ATG10: variants seen among roughly 807,000 people sequenced by gnomAD.
The protein encoded by ATG10 is ubiquitin-like-conjugating enzyme ATG10.
A neutral mutation model predicts 32.1 loss-of-function variants in ATG10; 30 were observed. The observed-to-expected ratio is 0.94, with a 90% CI of 0.70 to 1.27. The LOEUF is 1.27. Among genes scored for constraint, ATG10 ranks in the 50% most tolerant of loss-of-function variants. The probability of loss-of-function intolerance (pLI) is 0.00; values close to 1 mark genes in which losing one functional copy is unlikely to be tolerated. For synonymous variants in ATG10, 87 were observed against 91.5 expected (o/e 0.95, Z 0.28); for missense variants, 233 against 262.3 (o/e 0.89, Z 0.77).
chr5:82,229,877 G>A (rs1008961481), intron 5 of ATG10, among the ~76,000 whole-genome samples: 1 of 152,178 alleles, frequency 6.6e-6, no homozygotes, highest in African/African-American at 2.4e-5. Context: ...AATACCAAAG[G>A]ATGGCTGTAC....
chr5:82,164,531 T>A lies in ATG10; in HGVS notation c.349T>A (p.Phe117Ile), dbSNP rs575912075. 6.2e-7 allele frequency: 1 copy of A among 1,610,350 alleles called. No homozygotes were observed. The highest frequency in any genetic ancestry group is 1.3e-5 in the African/African-American group (1 of 74,930). Reference protein sequence around the residue: ...QVPVLYFRASFLDGRPLTLKD... With the variant: ...QVPVLYFRASILDGRPLTLKD... ...GCCTGTACTTTACTTTAGGGCAAGC[T>A]TTTTAGGTAAGAACATGTCTGAAGC... Residue 117 changes from phenylalanine to isoleucine, a missense_variant, in exon 4 of 8, where the codon TTT (phenylalanine) becomes ATT (isoleucine). Physicochemically the swap from Phe to Ile is conservative, Grantham distance 21 (BLOSUM62 0). Coordinates refer to ENST00000282185, the MANE Select transcript of ATG10 (RefSeq NM_031482.5).
chr5:82,103,945 A>G (rs1181516678), intron 3 of ATG10, among the ~76,000 whole-genome samples: 2 of 152,164 alleles, frequency 1.3e-5, no homozygotes, highest in African/African-American at 4.8e-5. Context: ...TTAACCTTAG[A>G]TAAATATATC....
intron 3 of ATG10, among the ~76,000 whole-genome samples, chr5:82,065,268 C>G (rs966421531): frequency 6.6e-6 from 1 of 152,096 alleles, no homozygotes; most frequent in African/African-American, 2.4e-5. Context: ...GGGCGGATCA[C>G]TTGAGGCTGT....
At position 82,192,997 on chromosome 5, in the gene ATG10, T is replaced by C. The variant is rs895038936; in HGVS notation, c.453+14410T>C. ...CTCAGGAGAGACCTTCAGCTTTAGA[T>C]GATTAGTTGGATATGCTGTTTACTA... On this transcript the variant is annotated intron_variant, in intron 5 of 7. Coordinates refer to ENST00000282185, the MANE Select transcript of ATG10 (RefSeq NM_031482.5). Among the ~76,000 whole-genome samples, 8 of 152,224 alleles carry C rather than the reference T, an allele frequency of 5.3e-5. No individual in the cohort carries two copies. In the South Asian group the frequency reaches 8.3e-4, roughly 16 times the overall value.
At chr5:82,015,186 T>C (rs1279885217) in intron 2 of ATG10, among the ~76,000 whole-genome samples, 1 of 152,206 alleles carries the variant, frequency 6.6e-6, no homozygotes, top group Non-Finnish European at 1.5e-5. Context: ...GAGTTTCTGC[T>C]GAGAGATCCA....
intron 5 of ATG10, among the ~76,000 whole-genome samples, chr5:82,223,340 A>G (rs746078813): frequency 2.6e-5 from 4 of 152,232 alleles, no homozygotes; most frequent in Non-Finnish European, 4.4e-5. Context: ...CTGCATGCCA[A>G]TGTCTGCACA....
At chr5:82,206,855 T>C (rs1745320032) in intron 5 of ATG10, among the ~76,000 whole-genome samples, 1 of 152,200 alleles carries the variant, frequency 6.6e-6, no homozygotes. Context: ...TAGTTTTGCC[T>C]GTTTTTTGAA....
At chr5:81,995,126 A>ATGTG (rs148857001) in intron 2 of ATG10, among the ~76,000 whole-genome samples, 15 of 149,750 alleles carry the variant, frequency 1.0e-4, no homozygotes, top group South Asian at 2.1e-4. Context: ...ATGTGTGTGT[A>ATGTG]TGTGTGTGTG....
chr5:81,991,327 T>A (rs944710214), intron 2 of ATG10, among the ~76,000 whole-genome samples: 4 of 152,200 alleles, frequency 2.6e-5, no homozygotes, highest in East Asian at 1.9e-4. Context: ...TATTTTTTTT[T>A]AAATTGTTGT....
chr5:82,136,918 C>T (rs1208416980), intron 3 of ATG10, among the ~76,000 whole-genome samples: 1 of 151,988 alleles, frequency 6.6e-6, no homozygotes, highest in African/African-American at 2.4e-5. Flanking sequence ...CCTTTTCATT[C>T]TTTTTCTCTA....
At chr5:82,227,057 G>A (rs1051114989) in intron 5 of ATG10, among the ~76,000 whole-genome samples, 2 of 152,212 alleles carry the variant, frequency 1.3e-5, no homozygotes, top group Non-Finnish European at 1.5e-5. Flanking sequence ...TACCCTTGGC[G>A]GTTGATGAAG....
At chr5:82,012,177 C>G (rs972531174) in intron 2 of ATG10, among the ~76,000 whole-genome samples, 2 of 152,156 alleles carry the variant, frequency 1.3e-5, no homozygotes, top group Non-Finnish European at 2.9e-5. Context: ...GCCACAGACT[C>G]CCACTGTTCT....
intron 3 of ATG10, among the ~76,000 whole-genome samples, chr5:82,099,422 A>G (rs1165229030): frequency 1.3e-5 from 2 of 151,928 alleles, no homozygotes; most frequent in Non-Finnish European, 2.9e-5. Context: ...ACATTAATAT[A>G]TGTATATTTA....
intron 5 of ATG10, among the ~76,000 whole-genome samples, chr5:82,246,401 A>G (rs908928472): frequency 6.6e-5 from 10 of 151,910 alleles, no homozygotes; most frequent in African/African-American, 2.4e-4. Context: ...AAAGATAGCA[A>G]CTTTGGGCCA....
intron 5 of ATG10, among the ~76,000 whole-genome samples, chr5:82,250,836 A>C (rs1212449308): frequency 6.6e-6 from 1 of 152,234 alleles, no homozygotes; most frequent in African/African-American, 2.4e-5. Flanking sequence ...ATGATTGATT[A>C]ATATATGTTG....
chr5:82,063,339 A>T (rs956696073), intron 3 of ATG10, among the ~76,000 whole-genome samples: 28 of 152,112 alleles, frequency 1.8e-4, no homozygotes, highest in Non-Finnish European at 3.7e-4. Flanking sequence ...AAAACAAAAA[A>T]ACCAAAAACA....
At chr5:82,180,089 C>G (rs968804858) in intron 5 of ATG10, among the ~76,000 whole-genome samples, 1 of 152,096 alleles carries the variant, frequency 6.6e-6, no homozygotes, top group Non-Finnish European at 1.5e-5. Context: ...GCTGTGCTTA[C>G]TTACCTGTGC....
At chr5:82,243,086 A>G (rs1465598750) in intron 5 of ATG10, among the ~76,000 whole-genome samples, 1 of 152,146 alleles carries the variant, frequency 6.6e-6, no homozygotes, top group Non-Finnish European at 1.5e-5. Context: ...ATAATTGTAC[A>G]TTTTATTAAG....
intron 4 of ATG10, among the ~76,000 whole-genome samples, chr5:82,170,234 A>T (rs1743748427): frequency 6.6e-6 from 1 of 152,070 alleles, no homozygotes; most frequent in Middle Eastern, 3.2e-3. Context: ...TGGAAAAAAC[A>T]TCTCTTTGCT....
Sources: gnomAD v4.1 joint callset for allele counts (sites outside exome capture counted in the v4.1 genomes callset) on GRCh38, gnomAD v4.1.1 for gene constraint, MANE v1.5 for transcripts, NCBI Gene and HGNC (gene_info 2026-07-23, HGNC 2026-07-21) for gene names.